The following WHRN variants were observed in gnomAD, a reference collection of about 807,000 sequenced individuals.
The protein encoded by WHRN is whirlin, also known as CASK-interacting protein CIP98.
In WHRN, 41 loss-of-function variants were observed where a neutral mutation model predicts 68.3. The ratio of observed to expected loss-of-function variants is 0.60; its 90% CI spans 0.47 to 0.78. The LOEUF (loss-of-function observed/expected upper bound fraction) is 0.78. Ranked by LOEUF, WHRN falls within the 30% of genes least tolerant of loss-of-function variation. The pLI is 0.00. For synonymous variants in WHRN, 560 were observed against 561.3 expected (o/e 1.00, Z 0.03); for missense variants, 1,243 against 1,244.7 (o/e 1.00, Z 0.02).
chr9:114,484,479 G>A (rs1842332387), intron 1 of WHRN, among the ~76,000 whole-genome samples: 1 of 152,214 alleles, frequency 6.6e-6, no homozygotes, highest in South Asian at 2.1e-4. Flanking sequence ...ACTTAGAGGA[G>A]CCCTATTAGC....
Position 114,504,652 on chromosome 9 carries a change from C to G in WHRN, c.150G>C (p.Leu50=), listed in dbSNP as rs1844247604. ...TGAACTGCTCCCGCTCCGCCTCGCT[C>G]AGCAGCGCGGTCAGCGCTTGGTGCA... The part of the protein sequence containing the change: ...RQLHQALTAL[L]SEAEREQFTH... The change falls in exon 1 of 12, where the codon CTG becomes CTC. Residue 50 remains leucine (L), a synonymous_variant. Transcript: ENST00000362057. 6.2e-7 allele frequency: 1 copy of G among 1,606,238 alleles called. No individual in the cohort carries two copies. Among genetic ancestry groups the G allele is most frequent in the African/African-American group, 1.3e-5 (1 of 74,916 alleles).
At chr9:114,417,995 G>A (rs1277763456) in intron 7 of WHRN, among the ~76,000 whole-genome samples, 3 of 152,192 alleles carry the variant, frequency 2.0e-5, no homozygotes, top group African/African-American at 7.2e-5. Flanking sequence ...CACTGCCTGG[G>A]AGAGACAGAG....
At chr9:114,420,855 T>G (rs1025560841) in intron 7 of WHRN, among the ~76,000 whole-genome samples, 2 of 152,004 alleles carry the variant, frequency 1.3e-5, no homozygotes, top group Non-Finnish European at 2.9e-5. Context: ...CATTTAATCC[T>G]CCCAACAAGC....
rs770188107 is a variant in WHRN at position 114,504,299 on chromosome 9, A to T, written c.503T>A (p.Val168Glu). Reference protein sequence around the residue: ...GGSEHGVGIYVSLVEPGSLAE... With the variant: ...GGSEHGVGIYESLVEPGSLAE... ...TAGAGAGCCTGGTTCCACCAGAGAC[A>T]CGTAGATGCCCACGCCGTGCTCCGA... The change falls in exon 1 of 12, where the codon GTG becomes GAG. Residue 168 changes from valine to glutamate, a missense_variant. By Grantham distance (121) the Val-to-Glu change is moderately radical (BLOSUM62 -2). Coordinates refer to ENST00000362057, the MANE Select transcript of WHRN (RefSeq NM_015404.4). 3 of 1,613,582 alleles carry T rather than the reference A, an allele frequency of 1.9e-6. No individual in the cohort carries two copies. Among genetic ancestry groups the T allele is most frequent in the Non-Finnish European group, 2.5e-6 (3 of 1,180,032 alleles).
intron 7 of WHRN, among the ~76,000 whole-genome samples, chr9:114,409,004 G>A (rs1007722508): frequency 5.3e-5 from 8 of 152,184 alleles, no homozygotes; most frequent in Non-Finnish European, 1.2e-4. Flanking sequence ...CTTTGGACTT[G>A]GACTAAAACA....
chr9:114,446,698 T>C (rs1238559830), intron 3 of WHRN, among the ~76,000 whole-genome samples: 2 of 152,176 alleles, frequency 1.3e-5, no homozygotes, highest in Non-Finnish European at 2.9e-5. Context: ...CCAAAAGCTC[T>C]AGTGCAGAGC....
At chr9:114,412,999 T>C (rs902304456) in intron 7 of WHRN, among the ~76,000 whole-genome samples, 5 of 152,228 alleles carry the variant, frequency 3.3e-5, no homozygotes, top group South Asian at 2.1e-4. Context: ...TCTTTGTTCG[T>C]TGGGCTTCTG....
intron 3 of WHRN, among the ~76,000 whole-genome samples, chr9:114,435,295 T>C (rs1226873153): frequency 6.6e-6 from 1 of 152,144 alleles, no homozygotes; most frequent in Non-Finnish European, 1.5e-5. Flanking sequence ...AACAATTAAA[T>C]AAATGGATGA....
At chr9:114,422,320 G>A (rs1249762224) in intron 7 of WHRN, among the ~76,000 whole-genome samples, 9 of 152,244 alleles carry the variant, frequency 5.9e-5, no homozygotes, top group African/African-American at 1.7e-4. Context: ...GCATAGAGGA[G>A]AGCATGGGGC....
At chr9:114,486,262 C>A (rs147607687) in intron 1 of WHRN, among the ~76,000 whole-genome samples, 1,598 of 152,236 alleles carry the variant, frequency 0.01, 20 homozygotes, top group Non-Finnish European at 0.017. Flanking sequence ...CTCGTATCTG[C>A]GCTGCCTTCA....
At position 114,406,447 on chromosome 9, in the gene WHRN, G is replaced by A. The variant is rs1192494329; in HGVS notation, c.2144C>T (p.Thr715Ile). ...PPSPSGHPDQ[T>I]GTNQHFVMVE... Reference sequence around the variant, plus strand: ...CATGACAAAGTGCTGGTTTGTGCCTGTCTGGTCTGGGTGGCCAGAGGGTGA... The same window carrying A: ...CATGACAAAGTGCTGGTTTGTGCCTATCTGGTCTGGGTGGCCAGAGGGTGA... Residue 715 changes from threonine (T) to isoleucine (I), a missense_variant, in exon 9 of 12, where the codon ACA becomes ATA. Coordinates refer to ENST00000362057, the MANE Select transcript of WHRN (RefSeq NM_015404.4). The A allele has an allele frequency of 6.2e-7, 1 of 1,614,082 alleles. No individual in the cohort carries two copies. Among genetic ancestry groups the A allele is most frequent in the Non-Finnish European group, 8.5e-7 (1 of 1,180,052 alleles).
chr9:114,478,319 A>G (rs762197875), intron 2 of WHRN: 1 of 708,072 alleles, frequency 1.4e-6, no homozygotes, highest in African/African-American at 1.8e-5. Context: ...CAATAAATAA[A>G]TCACAGTATT....
intron 1 of WHRN, among the ~76,000 whole-genome samples, chr9:114,479,973 G>C (rs1841971587): frequency 6.6e-6 from 1 of 152,196 alleles, no homozygotes; most frequent in African/African-American, 2.4e-5. Flanking sequence ...TGAGGCAAGA[G>C]AATCACTTGA....
rs1213258963 is a variant in WHRN at position 114,404,083 on chromosome 9, G to T, written c.2237-6C>A. The T allele has an allele frequency of 3.1e-6, 5 of 1,612,302 alleles. No homozygotes were observed. The highest frequency in any genetic ancestry group is 4.2e-6 in the Non-Finnish European group (5 of 1,179,932). ...CTGGGAGAGCGTAGAGGCTGCTGGAGAGGGGAAAAGGAAGAGAGAAGCAGC... is the reference window on the plus strand; with the variant it reads ...CTGGGAGAGCGTAGAGGCTGCTGGATAGGGGAAAAGGAAGAGAGAAGCAGC... On this transcript the variant is annotated splice_polypyrimidine_tract_variant and splice_region_variant and intron_variant, in intron 9 of 11. Coordinates refer to ENST00000362057, the MANE Select transcript of WHRN (RefSeq NM_015404.4).
chr9:114,468,963 A>G (rs1840955098), intron 2 of WHRN, among the ~76,000 whole-genome samples: 1 of 152,206 alleles, frequency 6.6e-6, no homozygotes, highest in African/African-American at 2.4e-5. Context: ...CAGGCTCCGG[A>G]GCCAGACTGC....
chr9:114,462,098 T>C (rs1355545556), intron 3 of WHRN, among the ~76,000 whole-genome samples: 1 of 152,184 alleles, frequency 6.6e-6, no homozygotes, highest in Non-Finnish European at 1.5e-5. Context: ...TGGCATCTCT[T>C]TGTAAATATG....
chr9:114,457,643 C>T (rs747525234), intron 3 of WHRN, among the ~76,000 whole-genome samples: 3 of 152,152 alleles, frequency 2.0e-5, no homozygotes, highest in Admixed American at 6.5e-5. Context: ...TGGCCAGGCG[C>T]GGGGGCTCAC....
chr9:114,496,194 G>A (rs939812341), intron 1 of WHRN, among the ~76,000 whole-genome samples: 2 of 152,176 alleles, frequency 1.3e-5, no homozygotes, highest in Admixed American at 6.5e-5. Context: ...GGGAAACGAA[G>A]TTATGGATGC....
chr9:114,467,279 C>G (rs1221973819), intron 2 of WHRN, among the ~76,000 whole-genome samples: 1 of 152,118 alleles, frequency 6.6e-6, no homozygotes, highest in African/African-American at 2.4e-5. Flanking sequence ...TAAATGCAGT[C>G]CCGGTGCTGG....
Sources: gnomAD v4.1 joint callset for allele counts (sites outside exome capture counted in the v4.1 genomes callset) on GRCh38, gnomAD v4.1.1 for gene constraint, MANE v1.5 for transcripts, NCBI Gene and HGNC (gene_info 2026-07-23, HGNC 2026-07-21) for gene names.